Variants in APC observed in about 807,000 individuals in gnomAD.
APC encodes the protein adenomatous polyposis coli protein.
A neutral mutation model predicts 247.0 loss-of-function variants in APC; 72 were observed. That is an observed-to-expected ratio of 0.29 (90% CI 0.24 to 0.35). APC has a LOEUF of 0.35. Among genes scored for constraint, APC ranks in the 10% least tolerant of loss-of-function variants. The pLI is 1.00. For synonymous variants in APC, 1,254 were observed against 1,162.5 expected, an observed-to-expected ratio of 1.08 and a Z score of -1.60; for missense variants, 3,400 against 3,360.7, an observed-to-expected ratio of 1.01 and a Z score of -0.29.
At chr5:112,821,850 C>T (rs1580541529) in intron 10 of APC, 46 bp from the exon 11 acceptor site, 1 of 1,452,332 alleles carries the variant, frequency 6.9e-7, no homozygotes, top group Non-Finnish European at 9.7e-7. Context: ...CATCATTGCT[C>T]TTCAAATAAC....
chr5:112,757,770 G>A (rs1222197884), intron 2 of APC, among the ~76,000 whole-genome samples: 1 of 152,146 alleles, frequency 6.6e-6, no homozygotes, highest in Non-Finnish European at 1.5e-5. Flanking sequence ...AATTTATGTA[G>A]TAGTACCATC....
intron 5 of APC, among the ~76,000 whole-genome samples, chr5:112,780,134 G>A (rs1366247030): frequency 6.6e-6 from 1 of 152,092 alleles, no homozygotes; most frequent in Admixed American, 6.5e-5. Flanking sequence ...TTTAATTAAA[G>A]GGTTAATAAA....
chr5:112,725,773 C>A (rs1751740787), intron 1 of APC, among the ~76,000 whole-genome samples: 1 of 152,068 alleles, frequency 6.6e-6, no homozygotes, highest in Non-Finnish European at 1.5e-5. Flanking sequence ...AAACCCAAAG[C>A]ACCACATATC....
At chr5:112,777,766 A>T (rs1347691852) in intron 5 of APC, 3 of 254,676 alleles carry the variant, frequency 1.2e-5, no homozygotes, top group Non-Finnish European at 2.5e-5. Flanking sequence ...GAATCCTTCC[A>T]TTTCATGAGA....
At chr5:112,801,206 A>G (rs1175866298) in intron 7 of APC, 73 bp from the exon 8 acceptor site, 1 of 1,274,490 alleles carries the variant, frequency 7.8e-7, no homozygotes, top group East Asian at 2.4e-5. Flanking sequence ...TAAAGCAAAA[A>G]AAGAAAAAAA....
intron 3 of APC, 65 bp from the exon 4 acceptor site, chr5:112,767,124 C>A (rs2149787020): frequency 7.8e-7 from 1 of 1,281,698 alleles, no homozygotes; most frequent in Non-Finnish European, 1.1e-6. Context: ...AATAATATAA[C>A]ATTAAGAATA....
At position 112,842,550 on chromosome 5, in the gene APC, G is replaced by A. The variant is rs1561611537; in HGVS notation, c.6956G>A (p.Arg2319Lys). ...AGACCTGCCCAGCAACCATTAAGTA[G>A]ACCTATACAGTCTCCTGGCCGAAAC... ...PSRPAQQPLSRPIQSPGRNSI... is the reference protein window; with the variant it reads ...PSRPAQQPLSKPIQSPGRNSI... The change falls in exon 16 of 16, where the codon AGA becomes AAA. Residue 2319 changes from arginine to lysine, a missense_variant. Physicochemically the swap from Arg to Lys is conservative, Grantham distance 26 (BLOSUM62 2). This residue lies in a region of APC where 1,788 missense variants were observed against 1,649.5 expected (regional missense o/e 1.08). Transcript: ENST00000257430. 2 of 1,613,960 alleles carry A rather than the reference G, an allele frequency of 1.2e-6. No homozygotes were observed. The highest frequency in any genetic ancestry group is 1.7e-6 in the Non-Finnish European group (2 of 1,179,908).
At chr5:112,738,279 G>C (rs768761234) in intron 1 of APC, 4 of 985,296 alleles carry the variant, frequency 4.1e-6, no homozygotes, top group Non-Finnish European at 3.6e-6. Context: ...GGACAACAAA[G>C]AATGGAGCAT....
At position 112,845,725 on chromosome 5, in the gene APC, C is replaced by G. The variant is rs1766927569; in HGVS notation, c.*1599C>G. On this transcript the variant is annotated 3_prime_UTR_variant, in exon 16 of 16. Coordinates refer to ENST00000257430, the MANE Select transcript of APC (RefSeq NM_000038.6). ...GTCTTCCTTCCTGAAGGAAAATAAA[C>G]TGACACTTATTAACTAAGATAATTT... 4.3e-6 allele frequency: 1 copy of G among 232,062 alleles called. No individual in the cohort carries two copies. The highest frequency in any genetic ancestry group is 8.5e-6 in the Non-Finnish European group (1 of 117,428). 14.4% of individuals were successfully genotyped at this position (232,062 alleles called of 1,614,324 possible).
intron 6 of APC, among the ~76,000 whole-genome samples, chr5:112,788,597 A>G (rs931913932): frequency 1.3e-5 from 2 of 152,214 alleles, no homozygotes; most frequent in African/African-American, 4.8e-5. Context: ...ATTATTAGGT[A>G]TTCTTACTAA....
In APC at chr5:112,819,507, C is replaced by G. The variant is rs151219923; in HGVS notation, c.1312+163C>G. Among the ~76,000 whole-genome samples the G allele has an allele frequency of 1.6e-3, 247 of 152,208 alleles. 5 individuals carry two copies. In the East Asian group the frequency reaches 0.044, roughly 27 times the overall value. On this transcript the variant is annotated intron_variant, in intron 10 of 15. Transcript: ENST00000257430. ...ATTTAAAAGATTAAGTCTGTATTTC[C>G]CTAGAAAAATTTAGCAAAGGAAAAT...
In APC at chr5:112,766,334, T is replaced by A; in HGVS notation, c.144T>A (p.Leu48=). ...ETEASNMKEV[L]KQLQGSIEDE... ...TGTGTTCTTTTTAACAGGAAGTACT[T>A]AAACAACTACAAGGAAGTATTGAAG... is the stretch of plus-strand genomic sequence containing the variant. The change falls in exon 3 of 16, where the codon CTT becomes CTA. Residue 48 remains leucine (L), a synonymous_variant. Coordinates refer to ENST00000257430, the MANE Select transcript of APC (RefSeq NM_000038.6). The A allele has an allele frequency of 6.2e-7, 1 of 1,602,954 alleles. No individual in the cohort carries two copies. The highest frequency in any genetic ancestry group is 8.5e-7 in the Non-Finnish European group (1 of 1,170,088).
At chr5:112,719,579 G>A (rs567206975) in intron 1 of APC, among the ~76,000 whole-genome samples, 18 of 144,344 alleles carry the variant, frequency 1.2e-4, no homozygotes, top group African/African-American at 4.7e-4. Flanking sequence ...TTACTGTGTC[G>A]CCCAGGCTGG....
At chr5:112,767,165 A>C (rs767723299) in intron 3 of APC, 24 bp from the exon 4 acceptor site, 3 of 1,574,456 alleles carry the variant, frequency 1.9e-6, no homozygotes, top group Admixed American at 3.3e-5. Flanking sequence ...TTGTTGTATA[A>C]AAACTTGTTT....
intron 1 of APC, among the ~76,000 whole-genome samples, chr5:112,719,682 G>A (rs973371204): frequency 1.3e-5 from 2 of 151,504 alleles, no homozygotes; most frequent in African/African-American, 4.9e-5. Context: ...TGACAGGTGC[G>A]CACCATCACA....
intron 1 of APC, among the ~76,000 whole-genome samples, chr5:112,722,979 C>T (rs1271328576): frequency 1.3e-5 from 2 of 152,092 alleles, no homozygotes; most frequent in African/African-American, 4.8e-5. Flanking sequence ...TTCTTGGCCT[C>T]TCTGTGTAGC....
At chr5:112,784,688 G>A (rs1231092681) in intron 6 of APC, among the ~76,000 whole-genome samples, 2 of 152,174 alleles carry the variant, frequency 1.3e-5, no homozygotes, top group Non-Finnish European at 2.9e-5. Context: ...TGGAAGAGGA[G>A]ATCTCAGGAG....
chr5:112,770,575 G>A (rs1017952805), intron 4 of APC, among the ~76,000 whole-genome samples: 4 of 152,072 alleles, frequency 2.6e-5, no homozygotes. Context: ...ACATGGTGTT[G>A]TTAGAAGGTT....
At chr5:112,772,290 C>T (rs1214776055) in intron 4 of APC, among the ~76,000 whole-genome samples, 3 of 152,108 alleles carry the variant, frequency 2.0e-5, no homozygotes, top group African/African-American at 7.2e-5. Flanking sequence ...AGTTCTGAGC[C>T]TTATGAACTG....
Sources: gnomAD v4.1 joint callset for allele counts (sites outside exome capture counted in the v4.1 genomes callset) on GRCh38, gnomAD v4.1.1 for gene constraint, gnomAD v4.1.1 regional missense constraint, MANE v1.5 for transcripts, NCBI Gene and HGNC (gene_info 2026-07-23, HGNC 2026-07-21) for gene names.